Variants in TOM1L2 observed in about 807,000 individuals in gnomAD.
The protein encoded by TOM1L2 is target of myb1 like 2 membrane trafficking protein, also known as TOM1-like protein 2.
TOM1L2 carries 31 observed loss-of-function variants against 67.9 expected under a neutral mutation model. That is an observed-to-expected ratio of 0.46 (90% CI 0.34 to 0.62). TOM1L2 has a LOEUF of 0.62. Ranked by LOEUF, TOM1L2 falls within the 20% of genes least tolerant of loss-of-function variation. The probability of loss-of-function intolerance (pLI) is 0.01; values close to 1 mark genes in which losing one functional copy is unlikely to be tolerated. For missense variants in TOM1L2, 606 were observed against 663.5 expected (o/e 0.91, Z 0.95); for synonymous variants, 256 against 254.0 (o/e 1.01, Z -0.07).
chr17:17,941,093 T>C (rs145261583), intron 1 of TOM1L2, among the ~76,000 whole-genome samples: 82 of 152,312 alleles, frequency 5.4e-4, no homozygotes, highest in Middle Eastern at 3.4e-3. Flanking sequence ...TGGAGACCAT[T>C]TCTCCAGTGA....
intron 9 of TOM1L2, 83 bp from the exon 10 acceptor site, chr17:17,866,502 G>C (rs2036857606): frequency 1.4e-6 from 2 of 1,461,218 alleles, no homozygotes; most frequent in South Asian, 1.4e-5. Flanking sequence ...AACTATGCAG[G>C]GTTCCAAGAA....
intron 7 of TOM1L2, chr17:17,869,688 T>C: frequency 1.5e-6 from 2 of 1,372,072 alleles, no homozygotes; most frequent in South Asian, 3.7e-5. Flanking sequence ...AGCAGACAAA[T>C]GTCCAGACAT....
At chr17:17,903,128 C>A (rs2038930078) in intron 2 of TOM1L2, among the ~76,000 whole-genome samples, 1 of 152,218 alleles carries the variant, frequency 6.6e-6, no homozygotes, top group African/African-American at 2.4e-5. Flanking sequence ...CTGACCACTG[C>A]CACTGCACTA....
chr17:17,945,286 ACACACTCT>A (rs1317464649), intron 1 of TOM1L2, among the ~76,000 whole-genome samples: 83 of 148,846 alleles, frequency 5.6e-4, no homozygotes, highest in African/African-American at 2.1e-3. Context: ...ACACACACAC[ACACACTCT>A]CTCTCTCTCT....
chr17:17,945,626 C>T (rs906698041), intron 1 of TOM1L2, among the ~76,000 whole-genome samples: 4 of 152,172 alleles, frequency 2.6e-5, no homozygotes, highest in African/African-American at 9.7e-5. Flanking sequence ...GCCTATACAT[C>T]TTAGTTAATC....
At chr17:17,868,190 A>G (rs1370120317) in intron 8 of TOM1L2, among the ~76,000 whole-genome samples, 1 of 152,214 alleles carries the variant, frequency 6.6e-6, no homozygotes. Context: ...AGGTCCCCTT[A>G]TATCTGCTCC....
At chr17:17,874,710 G>C (rs1019768638) in intron 7 of TOM1L2, among the ~76,000 whole-genome samples, 1 of 152,236 alleles carries the variant, frequency 6.6e-6, no homozygotes, top group African/African-American at 2.4e-5. Flanking sequence ...AGGAACATCT[G>C]CTCTGGCCTT....
chr17:17,946,890 A>G (rs1312999104), intron 1 of TOM1L2, among the ~76,000 whole-genome samples: 2 of 151,964 alleles, frequency 1.3e-5, no homozygotes, highest in Admixed American at 6.6e-5. Flanking sequence ...ACGCCTGGCT[A>G]ATTTTTGTAT....
intron 1 of TOM1L2, among the ~76,000 whole-genome samples, chr17:17,941,347 G>A (rs2040726691): frequency 6.6e-6 from 1 of 152,164 alleles, no homozygotes; most frequent in Non-Finnish European, 1.5e-5. Flanking sequence ...CTTGTGTCCT[G>A]GCTCTGCCCT....
At position 17,955,235 on chromosome 17, in the gene TOM1L2, G is replaced by C. The variant is rs184851169; in HGVS notation, c.52+17027C>G. On this transcript the variant is annotated intron_variant, in intron 1 of 14. Coordinates refer to ENST00000379504, the MANE Select transcript of TOM1L2 (RefSeq NM_001082968.2). ...CTCTCCACCTCTTCTATCATACTCA[G>C]CAGACAATATGGTGGTCACCGGCAG... Among the ~76,000 whole-genome samples the C allele has an allele frequency of 2.4e-3, 354 of 150,438 alleles. 1 individual carries two copies. The highest frequency in any genetic ancestry group is 4.0e-3 in the Admixed American group (60 of 15,136).
chr17:17,902,820 T>C (rs1320554088), intron 2 of TOM1L2, among the ~76,000 whole-genome samples: 1 of 152,248 alleles, frequency 6.6e-6, no homozygotes, highest in East Asian at 1.9e-4. Flanking sequence ...GATACAGTTA[T>C]GTAGCCAGAT....
At chr17:17,971,172 C>T (rs8068175) in intron 1 of TOM1L2, among the ~76,000 whole-genome samples, 72,284 of 151,924 alleles carry the variant, frequency 0.48, 19,022 homozygotes, top group East Asian at 0.91. Flanking sequence ...CTTTGGTAAA[C>T]TTAATATGAG....
intron 1 of TOM1L2, among the ~76,000 whole-genome samples, chr17:17,911,898 C>G (rs1295229619): frequency 2.0e-5 from 3 of 148,814 alleles, no homozygotes; most frequent in Non-Finnish European, 4.4e-5. Flanking sequence ...TAACAAAGCA[C>G]ATCTTGCACC....
At chr17:17,875,446 C>CA (rs1242824883) in intron 7 of TOM1L2, among the ~76,000 whole-genome samples, 1 of 152,110 alleles carries the variant, frequency 6.6e-6, no homozygotes, top group East Asian at 1.9e-4. Flanking sequence ...CCAAATCACT[C>CA]AAAGTGTGAT....
At position 17,845,401 on chromosome 17, in the gene TOM1L2, G is replaced by C. The variant is rs534922553; in HGVS notation, c.*2234C>G. 1 of 152,376 alleles carries C rather than the reference G, an allele frequency of 6.6e-6. No individual in the cohort carries two copies. Among genetic ancestry groups the C allele is most frequent in the African/African-American group, 2.4e-5 (1 of 41,588 alleles). 9.4% of individuals were successfully genotyped at this position (152,376 alleles called of 1,614,324 possible). ...GTTCTGGGAGTGGGTATGAAAAACA[G>C]TTTTGCTGGGGGCTCCCCAGGAGGG... is the stretch of plus-strand genomic sequence containing the variant. On this transcript the variant is annotated 3_prime_UTR_variant, in exon 15 of 15. Coordinates refer to ENST00000379504, the MANE Select transcript of TOM1L2 (RefSeq NM_001082968.2).
In TOM1L2 at chr17:17,847,291, T is replaced by C. The variant is rs1157439755; in HGVS notation, c.*344A>G. ...ACAGGGCGGGGCCGGGCGTGCTCTT[T>C]CTCCATGGGCGGGTGGAGGAAAGAC... On this transcript the variant is annotated 3_prime_UTR_variant, in exon 15 of 15. Transcript: ENST00000379504. 3 of 310,478 alleles carry C rather than the reference T, an allele frequency of 9.7e-6. No individual in the cohort carries two copies. In the Admixed American group the frequency reaches 1.4e-4, roughly 15 times the overall value. 19.2% of individuals were successfully genotyped at this position (310,478 alleles called of 1,614,324 possible).
chr17:17,926,426 G>A (rs1435689296), intron 1 of TOM1L2, among the ~76,000 whole-genome samples: 1 of 152,064 alleles, frequency 6.6e-6, no homozygotes, highest in Non-Finnish European at 1.5e-5. Flanking sequence ...GGGGAGATGC[G>A]GACATAAATG....
chr17:17,967,080 T>A (rs9635697), intron 1 of TOM1L2, among the ~76,000 whole-genome samples: 74,216 of 151,920 alleles, frequency 0.49, 19,160 homozygotes, highest in East Asian at 0.86. Flanking sequence ...ACCCTATTAG[T>A]TGTGTCCCTC....
intron 1 of TOM1L2, among the ~76,000 whole-genome samples, chr17:17,940,044 C>T (rs11657773): frequency 0.54 from 82,125 of 151,168 alleles, 24,393 homozygotes; most frequent in East Asian, 0.94. Flanking sequence ...AATACAAAAA[C>T]TAGCCAGGTG....
Sources: gnomAD v4.1 joint callset for allele counts (sites outside exome capture counted in the v4.1 genomes callset) on GRCh38, gnomAD v4.1.1 for gene constraint, MANE v1.5 for transcripts, NCBI Gene and HGNC (gene_info 2026-07-23, HGNC 2026-07-21) for gene names.